KLHDC10: variants seen among roughly 807,000 people sequenced by gnomAD.
KLHDC10 encodes the protein kelch domain containing 10.
Under a neutral mutation model 56.1 loss-of-function variants are expected in KLHDC10, and 24 were observed. The observed-to-expected ratio is 0.43, with a 90% CI of 0.31 to 0.60. KLHDC10 has a LOEUF of 0.60. Ranked by LOEUF, KLHDC10 falls within the 20% of genes least tolerant of loss-of-function variation. The pLI is 0.11. For missense variants in KLHDC10, 349 were observed against 567.0 expected (o/e 0.62, Z 3.91); for synonymous variants, 188 against 207.1 (o/e 0.91, Z 0.79).
chr7:130,122,396 C>T (rs1293441479), intron 5 of KLHDC10, among the ~76,000 whole-genome samples, 194 bp downstream of exon 5: 1 of 152,126 alleles, frequency 6.6e-6, no homozygotes, highest in Non-Finnish European at 1.5e-5. Context: ...ATAATATTTC[C>T]TTCTAAACTA....
chr7:130,099,140 C>G (rs142161845), intron 2 of KLHDC10, among the ~76,000 whole-genome samples: 1 of 152,194 alleles, frequency 6.6e-6, no homozygotes, highest in East Asian at 1.9e-4. Context: ...TAGATGTTTT[C>G]TTCCTACCTC....
At chr7:130,114,277 T>A (rs962104319) in intron 2 of KLHDC10, among the ~76,000 whole-genome samples, 2 of 152,184 alleles carry the variant, frequency 1.3e-5, no homozygotes, top group Admixed American at 6.5e-5. Context: ...CCAAATAAAT[T>A]GATTCCCGTT....
Position 130,122,160 on chromosome 7 carries a change from A to G in KLHDC10, c.737A>G (p.Gln246Arg). ...KLDLNTREWT[Q>R]LKPNNLSCDL... ...GATCTCAATACCAGAGAGTGGACAC[A>G]ACTGAAACCAAACAACCTATCCTGT... Residue 246 changes from glutamine to arginine, a missense_variant, in exon 5 of 10, where the codon CAA becomes CGA. Transcript: ENST00000335420. The G allele has an allele frequency of 6.2e-7, 1 of 1,614,058 alleles. No homozygotes were observed. Among genetic ancestry groups the G allele is most frequent in the East Asian group, 2.2e-5 (1 of 44,866 alleles).
At chr7:130,103,277 T>A (rs1413824161) in intron 2 of KLHDC10, among the ~76,000 whole-genome samples, 1 of 151,986 alleles carries the variant, frequency 6.6e-6, no homozygotes, top group Non-Finnish European at 1.5e-5. Context: ...TACAAAAAAA[T>A]TAGCCAGGCG....
At chr7:130,088,374 A>C (rs111742594) in intron 1 of KLHDC10, among the ~76,000 whole-genome samples, 29 of 151,642 alleles carry the variant, frequency 1.9e-4, no homozygotes, top group African/African-American at 6.3e-4. Context: ...TCCTGGGTTC[A>C]AGCAATTCTC....
Position 130,120,608 on chromosome 7 carries a change from A to T in KLHDC10, c.476-141A>T. 1.3e-6 allele frequency: 1 copy of T among 783,524 alleles called. No individual in the cohort carries two copies. The highest frequency in any genetic ancestry group is 2.0e-6 in the Non-Finnish European group (1 of 500,532). 48.5% of individuals were successfully genotyped at this position (783,524 alleles called of 1,614,324 possible). A position where few individuals can be genotyped will look rare whatever the true frequency, so the allele number is the denominator to read the frequency against. On this transcript the variant is annotated intron_variant, in intron 3 of 9. Coordinates refer to ENST00000335420, the MANE Select transcript of KLHDC10 (RefSeq NM_014997.4). This position sits in a 1 kb window ranked among gnomAD's most constrained non-coding sequence, Gnocchi z 5.1. ...ATTTTCAGATTTGGCACGCTCAGCTACTAGTTAGATGTCAGTGGTTTGAGC... is the reference window on the plus strand; with the variant it reads ...ATTTTCAGATTTGGCACGCTCAGCTTCTAGTTAGATGTCAGTGGTTTGAGC...
chr7:130,130,874 C>A lies in KLHDC10; in HGVS notation c.*128C>A. On this transcript the variant is annotated 3_prime_UTR_variant, in exon 10 of 10. Coordinates refer to ENST00000335420, the MANE Select transcript of KLHDC10 (RefSeq NM_014997.4). This position sits in a 1 kb window ranked among gnomAD's most constrained non-coding sequence, Gnocchi z 4.2. ...TCAAGGCCTTATTTAGAAAATACAT[C>A]AGATGCCTTTCTGTAAATTGGTTTT... 1 of 844,156 alleles carries A rather than the reference C, an allele frequency of 1.2e-6. No individual in the cohort carries two copies. Among genetic ancestry groups the A allele is most frequent in the Non-Finnish European group, 1.9e-6 (1 of 534,006 alleles). The allele number at this position is 844,156 out of a possible 1,614,324, so 52.3% of individuals were successfully genotyped here.
chr7:130,121,239 G>A (rs79101294), intron 4 of KLHDC10, among the ~76,000 whole-genome samples: 2,159 of 152,108 alleles, frequency 0.014, 45 homozygotes, highest in African/African-American at 0.049. Context: ...GCTTCACTAT[G>A]GTCTGGGTCC....
intron 2 of KLHDC10, among the ~76,000 whole-genome samples, chr7:130,099,017 G>C (rs1795893216): frequency 6.6e-6 from 1 of 152,188 alleles, no homozygotes; most frequent in South Asian, 2.1e-4. Context: ...AGGATCACTA[G>C]TGGCCTTCTT....
chr7:130,083,817 C>T (rs1795644208), intron 1 of KLHDC10, among the ~76,000 whole-genome samples: 1 of 152,148 alleles, frequency 6.6e-6, no homozygotes, highest in African/African-American at 2.4e-5. Context: ...CTCCATCTGC[C>T]TTGATCTCCC....
intron 1 of KLHDC10, among the ~76,000 whole-genome samples, chr7:130,075,173 G>A (rs918594825): frequency 6.6e-6 from 1 of 152,156 alleles, no homozygotes; most frequent in Non-Finnish European, 1.5e-5. Flanking sequence ...GCTCAGGAGC[G>A]CGGGGTTCAT....
chr7:130,076,241 C>G (rs1795501199), intron 1 of KLHDC10, among the ~76,000 whole-genome samples: 1 of 152,048 alleles, frequency 6.6e-6, no homozygotes, highest in South Asian at 2.1e-4. Context: ...ACTCGCCCAC[C>G]ACTCACCTCC....
At chr7:130,071,832 A>C (rs956734038) in intron 1 of KLHDC10, among the ~76,000 whole-genome samples, 1 of 152,224 alleles carries the variant, frequency 6.6e-6, no homozygotes, top group Non-Finnish European at 1.5e-5. Context: ...GTTTTTATGA[A>C]TTGTGCTTAA....
intron 1 of KLHDC10, 59 bp from the exon 2 acceptor site, chr7:130,096,862 A>C (rs1325543687): frequency 8.7e-7 from 1 of 1,151,806 alleles, no homozygotes; most frequent in Non-Finnish European, 1.3e-6. Context: ...TACAGTAACT[A>C]TGTATTATTT....
In KLHDC10 at chr7:130,134,874, C is replaced by T. The variant is rs6821; in HGVS notation, c.*4128C>T. Reference sequence around the variant, plus strand: ...TGGTTCCCCAAATGCCTTGGAACTCCAGACGCACCCGCAGGGCCTGAGGTA... The same window carrying T: ...TGGTTCCCCAAATGCCTTGGAACTCTAGACGCACCCGCAGGGCCTGAGGTA... On this transcript the variant is annotated 3_prime_UTR_variant, in exon 10 of 10. Transcript: ENST00000335420. 35,427 of 151,946 alleles carry T rather than the reference C, an allele frequency of 0.23. 4,647 individuals are homozygous for T. The highest frequency in any genetic ancestry group is 0.29 in the Non-Finnish European group (19,800 of 67,962). 9.4% of individuals were successfully genotyped at this position (151,946 alleles called of 1,614,324 possible).
intron 2 of KLHDC10, among the ~76,000 whole-genome samples, chr7:130,113,407 A>G (rs1201214574): frequency 6.6e-6 from 1 of 150,640 alleles, no homozygotes; most frequent in African/African-American, 2.4e-5. Flanking sequence ...ATCTTGACTC[A>G]CTGCAACCTC....
At chr7:130,081,894 C>T (rs1318605714) in intron 1 of KLHDC10, among the ~76,000 whole-genome samples, 1 of 152,072 alleles carries the variant, frequency 6.6e-6, no homozygotes, top group Non-Finnish European at 1.5e-5. Flanking sequence ...TTTCTATTGT[C>T]TGCCTTTCTA....
In KLHDC10 at chr7:130,072,133, C is replaced by T. The variant is rs760450998; in HGVS notation, c.166+1324C>T. Among the ~76,000 whole-genome samples, 6 of 152,154 alleles carry T rather than the reference C, an allele frequency of 3.9e-5. No homozygotes were observed. The East Asian group carries it at 1.2e-3, about 29-fold the overall frequency. ...AAAAAAGGAGCAATCTTTTTTCTTACTCCCAATTAATAATAAAAACTTAGA... is the reference window on the plus strand; with the variant it reads ...AAAAAAGGAGCAATCTTTTTTCTTATTCCCAATTAATAATAAAAACTTAGA... On this transcript the variant is annotated intron_variant, in intron 1 of 9. Transcript: ENST00000335420.
Position 130,130,126 on chromosome 7 carries a change from C to T in KLHDC10, c.1120-411C>T, listed in dbSNP as rs1382393940. On this transcript the variant is annotated intron_variant, in intron 9 of 9. Transcript: ENST00000335420. This position sits in a 1 kb window ranked among gnomAD's most constrained non-coding sequence, Gnocchi z 4.2. ...GGTCAGGAGATTGAGACCATCCTGG[C>T]TAACACGGATGAAACCCCATCTCTA... is the stretch of plus-strand genomic sequence containing the variant. Among the ~76,000 whole-genome samples, 3 of 151,710 alleles carry T rather than the reference C, an allele frequency of 2.0e-5. No individual in the cohort carries two copies. Among genetic ancestry groups the T allele is most frequent in the Non-Finnish European group, 4.4e-5 (3 of 67,954 alleles).
Sources: allele counts gnomAD v4.1 joint callset (sites outside exome capture counted in the v4.1 genomes callset), GRCh38; gene constraint gnomAD v4.1.1; non-coding constraint Gnocchi (gnomAD v3.1); transcripts MANE v1.5; gene names NCBI Gene and HGNC (gene_info 2026-07-23, HGNC 2026-07-21).